XXYLT1: variants seen among roughly 807,000 people sequenced by gnomAD.
XXYLT1 encodes the protein xyloside xylosyltransferase 1, also known as UDP-xylose:alpha-xyloside alpha-1,3-xylosyltransferase.
Under a neutral mutation model 28.9 loss-of-function variants are expected in XXYLT1, and 20 were observed. The observed-to-expected ratio is 0.69, with a 90% CI of 0.49 to 1.00. The LOEUF is 1.00. XXYLT1 is among the 50% of genes least tolerant of loss of function. The pLI is 0.00. For synonymous variants in XXYLT1, 257 were observed against 253.8 expected (o/e 1.01, Z -0.12); for missense variants, 542 against 560.1 (o/e 0.97, Z 0.33).
intron 2 of XXYLT1, among the ~76,000 whole-genome samples, chr3:195,226,325 T>G (rs1724049986): frequency 2.0e-5 from 3 of 152,158 alleles, no homozygotes; most frequent in Non-Finnish European, 4.4e-5. Flanking sequence ...AAATACAGAT[T>G]CAAACTAGAA....
intron 2 of XXYLT1, among the ~76,000 whole-genome samples, chr3:195,187,814 T>C (rs915998042): frequency 2.0e-5 from 3 of 152,220 alleles, no homozygotes; most frequent in Non-Finnish European, 2.9e-5. Flanking sequence ...TTAACAAAGT[T>C]GTGCATTTGT....
intron 3 of XXYLT1, among the ~76,000 whole-genome samples, chr3:195,128,732 G>A (rs1718759993): frequency 1.3e-5 from 2 of 152,160 alleles, no homozygotes; most frequent in African/African-American, 4.8e-5. Flanking sequence ...CCTCTCCTAT[G>A]TGTTTAGAGC....
At chr3:195,169,379 C>T (rs1341717115) in intron 2 of XXYLT1, among the ~76,000 whole-genome samples, 1 of 152,188 alleles carries the variant, frequency 6.6e-6, no homozygotes, top group African/African-American at 2.4e-5. Flanking sequence ...CCACTCCATC[C>T]CATTTGTCAA....
At chr3:195,187,342 C>T (rs1056287017) in intron 2 of XXYLT1, among the ~76,000 whole-genome samples, 1 of 152,240 alleles carries the variant, frequency 6.6e-6, no homozygotes, top group Non-Finnish European at 1.5e-5. Flanking sequence ...GGATTAAAGG[C>T]GTGAGCCACC....
intron 3 of XXYLT1, among the ~76,000 whole-genome samples, chr3:195,138,608 A>T (rs1479706390): frequency 1.3e-5 from 2 of 152,162 alleles, no homozygotes; most frequent in African/African-American, 4.8e-5. Context: ...CTGTAATCCC[A>T]GCACTTTGAG....
intron 2 of XXYLT1, among the ~76,000 whole-genome samples, chr3:195,171,564 G>C (rs1010049664): frequency 6.6e-6 from 1 of 152,180 alleles, no homozygotes; most frequent in African/African-American, 2.4e-5. Context: ...GGTGGTATCT[G>C]GATTATTGGT....
intron 2 of XXYLT1, among the ~76,000 whole-genome samples, chr3:195,178,260 T>C (rs992756517): frequency 6.6e-6 from 1 of 152,196 alleles, no homozygotes; most frequent in Middle Eastern, 3.4e-3. Context: ...GTTCAAACCA[T>C]GTAAGCCCCT....
intron 2 of XXYLT1, among the ~76,000 whole-genome samples, chr3:195,158,201 T>C (rs1436632815): frequency 1.3e-5 from 2 of 152,182 alleles, no homozygotes; most frequent in African/African-American, 4.8e-5. Flanking sequence ...CTACTTATTC[T>C]GCAAGCAGCA....
rs749298106 is a variant in XXYLT1 at position 195,270,779 on chromosome 3, C to A, written c.280G>T (p.Ala94Ser). ...AKAKSLEGGG[A>S]GPVDYHLLMM... Reference sequence around the variant, plus strand: ...AGCAGGTGGTAGTCCACCGGCCCGGCACCGCCGCCCTCCAAGCTCTTGGCC... The same window carrying A: ...AGCAGGTGGTAGTCCACCGGCCCGGAACCGCCGCCCTCCAAGCTCTTGGCC... Residue 94 changes from alanine to serine, a missense_variant, in exon 1 of 4, where the codon GCC (alanine) becomes TCC (serine). By Grantham distance (99) the Ala-to-Ser change is moderately conservative. Transcript: ENST00000310380. 5.7e-6 allele frequency: 9 copies of A among 1,571,578 alleles called. No homozygotes were observed. The highest frequency in any genetic ancestry group is 1.8e-5 in the Admixed American group (1 of 55,366).
At chr3:195,085,218 G>A (rs928456523) in intron 3 of XXYLT1, among the ~76,000 whole-genome samples, 7 of 152,224 alleles carry the variant, frequency 4.6e-5, no homozygotes, top group Non-Finnish European at 1.0e-4. Context: ...CAGTTCAGAG[G>A]AGCACGGGCT....
intron 3 of XXYLT1, among the ~76,000 whole-genome samples, chr3:195,103,487 AT>A (rs1716924014): frequency 6.6e-6 from 1 of 152,258 alleles, no homozygotes; most frequent in South Asian, 2.1e-4. Context: ...TAGAGGCTGC[AT>A]GGGCCTAAAT....
chr3:195,192,260 TAAAC>T (rs1172635590), intron 2 of XXYLT1, among the ~76,000 whole-genome samples: 1 of 151,996 alleles, frequency 6.6e-6, no homozygotes, highest in African/African-American at 2.4e-5. Flanking sequence ...CGGCCTCTAT[TAAAC>T]AAATACAAAA....
At chr3:195,221,765 A>G (rs1354885850) in intron 2 of XXYLT1, among the ~76,000 whole-genome samples, 1 of 152,042 alleles carries the variant, frequency 6.6e-6, no homozygotes, top group Non-Finnish European at 1.5e-5. Context: ...TCCATTGCAT[A>G]AGATGCTTCC....
chr3:195,110,345 G>GT (rs1560100887), intron 3 of XXYLT1, among the ~76,000 whole-genome samples: 5 of 28,426 alleles, frequency 1.8e-4, no homozygotes, highest in East Asian at 3.2e-3. Context: ...GTATGTGTGT[G>GT]GTGTGTGGTG....
At chr3:195,183,813 ACC>A (rs1722060758) in intron 2 of XXYLT1, among the ~76,000 whole-genome samples, 1 of 152,096 alleles carries the variant, frequency 6.6e-6, no homozygotes, top group Non-Finnish European at 1.5e-5. Flanking sequence ...CTAGGACTCT[ACC>A]CCTCAACAGT....
At chr3:195,187,107 G>A (rs1253615987) in intron 2 of XXYLT1, among the ~76,000 whole-genome samples, 4 of 151,040 alleles carry the variant, frequency 2.6e-5, no homozygotes, top group African/African-American at 4.9e-5. Flanking sequence ...GCGTGGTGGC[G>A]GGCGCCTGTA....
intron 2 of XXYLT1, among the ~76,000 whole-genome samples, chr3:195,226,399 A>C (rs1321095225): frequency 6.6e-6 from 1 of 152,154 alleles, no homozygotes; most frequent in Non-Finnish European, 1.5e-5. Context: ...TCAGATGAGC[A>C]AACAAAGTAT....
intron 2 of XXYLT1, among the ~76,000 whole-genome samples, chr3:195,169,152 CT>C (rs1394095513): frequency 1.3e-5 from 2 of 152,228 alleles, no homozygotes; most frequent in Non-Finnish European, 1.5e-5. Flanking sequence ...ACCATGATGG[CT>C]ACACAGGTCG....
intron 2 of XXYLT1, among the ~76,000 whole-genome samples, chr3:195,196,448 T>C (rs572843849): frequency 6.6e-6 from 1 of 152,194 alleles, no homozygotes; most frequent in Non-Finnish European, 1.5e-5. Flanking sequence ...AACCCCGACA[T>C]GTACAAATAG....
Sources: gnomAD v4.1 joint callset for allele counts (sites outside exome capture counted in the v4.1 genomes callset) on GRCh38, gnomAD v4.1.1 for gene constraint, MANE v1.5 for transcripts, NCBI Gene and HGNC (gene_info 2026-07-23, HGNC 2026-07-21) for gene names.